The following NAALADL2 variants were observed in gnomAD, a reference collection of about 807,000 sequenced individuals.
NAALADL2 encodes inactive N-acetylated-alpha-linked acidic dipeptidase-like protein 2.
NAALADL2 carries 76 observed loss-of-function variants against 87.2 expected under a neutral mutation model. The ratio of observed to expected loss-of-function variants is 0.87; its 90% CI spans 0.72 to 1.05. The LOEUF (loss-of-function observed/expected upper bound fraction) is 1.05. Among genes scored for constraint, NAALADL2 ranks in the 50% least tolerant of loss-of-function variants. NAALADL2 has a pLI of 0.00. For synonymous variants in NAALADL2, 354 were observed against 331.0 expected, an observed-to-expected ratio of 1.07 and a Z score of -0.75; for missense variants, 1,089 against 945.8, an observed-to-expected ratio of 1.15 and a Z score of -1.99.
intron 12 of NAALADL2, 95 bp from the exon 13 acceptor site, chr3:175,755,125 C>T: frequency 1.0e-6 from 1 of 992,074 alleles, no homozygotes; most frequent in South Asian, 1.6e-5. Flanking sequence ...CTTCAGTGGT[C>T]TGTCTGGCTT....
intron 1 of NAALADL2, among the ~76,000 whole-genome samples, chr3:174,478,814 T>A (rs1717372389): frequency 6.6e-6 from 1 of 152,084 alleles, no homozygotes; most frequent in East Asian, 1.9e-4. Flanking sequence ...TCTGCTCAAG[T>A]GATTCTTGTG....
At chr3:175,545,432 T>C (rs766716190) in intron 9 of NAALADL2, among the ~76,000 whole-genome samples, 13 of 152,118 alleles carry the variant, frequency 8.5e-5, no homozygotes, top group Non-Finnish European at 1.3e-4. Flanking sequence ...AAGGAATGAA[T>C]GATTTCCACA....
At chr3:175,473,426 A>G (rs911863750) in intron 9 of NAALADL2, among the ~76,000 whole-genome samples, 2 of 151,900 alleles carry the variant, frequency 1.3e-5, no homozygotes, top group African/African-American at 2.4e-5. Flanking sequence ...GTGTCTGTGT[A>G]TGTATGTGTT....
chr3:175,080,223 C>T (rs939471614), intron 1 of NAALADL2, among the ~76,000 whole-genome samples: 2 of 152,144 alleles, frequency 1.3e-5, no homozygotes, highest in African/African-American at 4.8e-5. Context: ...CCTCGGCCTC[C>T]CAAATGCTGG....
At chr3:175,093,856 A>G (rs1369761022) in intron 1 of NAALADL2, among the ~76,000 whole-genome samples, 1 of 151,926 alleles carries the variant, frequency 6.6e-6, no homozygotes, top group Non-Finnish European at 1.5e-5. Flanking sequence ...AGGAGTTAAT[A>G]TGTGTATCTG....
chr3:175,272,927 G>A (rs1179852752), intron 4 of NAALADL2, among the ~76,000 whole-genome samples: 1 of 151,796 alleles, frequency 6.6e-6, no homozygotes, highest in Non-Finnish European at 1.5e-5. Context: ...ATATAATTAT[G>A]GCAATATAGC....
chr3:175,242,581 A>G (rs1447226154), intron 3 of NAALADL2, among the ~76,000 whole-genome samples: 1 of 152,210 alleles, frequency 6.6e-6, no homozygotes, highest in Non-Finnish European at 1.5e-5. Context: ...GTTGAGTATC[A>G]TTTATTAAAT....
At chr3:174,549,184 A>G (rs924740042) in intron 1 of NAALADL2, among the ~76,000 whole-genome samples, 1 of 152,246 alleles carries the variant, frequency 6.6e-6, no homozygotes, top group Non-Finnish European at 1.5e-5. Flanking sequence ...TTTACAATGC[A>G]ACTTTAAAGA....
intron 3 of NAALADL2, among the ~76,000 whole-genome samples, chr3:174,798,372 G>A (rs75787688): frequency 0.013 from 2,026 of 152,222 alleles, 46 homozygotes; most frequent in African/African-American, 0.047. Context: ...CAGTCCTACA[G>A]CCTTGTTCTC....
rs1712413420 is a variant in NAALADL2, at chr3:174,553,633, C to A, written c.-115+2996C>A. ...GGAATTAGATTTAATGAGTTATAAT[C>A]ATCTTTAACATTTGATGTATATATC... On this transcript the variant is annotated intron_variant, in intron 2 of 3. Coordinates refer to the NAALADL2 transcript ENST00000434257. Among the ~76,000 whole-genome samples the A allele has an allele frequency of 3.9e-5, 6 of 152,218 alleles. No individual in the cohort carries two copies. The Middle Eastern group carries it at 0.01, about 259-fold the overall frequency.
At chr3:175,742,233 A>G (rs1052956939) in intron 12 of NAALADL2, among the ~76,000 whole-genome samples, 30 of 152,146 alleles carry the variant, frequency 2.0e-4, no homozygotes, top group Admixed American at 7.2e-4. Flanking sequence ...CTTTGTAGCT[A>G]TACTATATAG....
At chr3:174,677,213 C>T (rs1727116466) in intron 2 of NAALADL2, among the ~76,000 whole-genome samples, 1 of 151,776 alleles carries the variant, frequency 6.6e-6, no homozygotes, top group African/African-American at 2.4e-5. Context: ...ATGTTTGTGA[C>T]CTTAAACATA....
chr3:174,757,930 G>A (rs1712350958), intron 3 of NAALADL2, among the ~76,000 whole-genome samples: 1 of 152,214 alleles, frequency 6.6e-6, no homozygotes, highest in Non-Finnish European at 1.5e-5. Flanking sequence ...TGGCTTCTTA[G>A]AAAAGTACAG....
At chr3:175,619,471 G>GAAA (rs60441964) in intron 10 of NAALADL2, among the ~76,000 whole-genome samples, 8 of 143,430 alleles carry the variant, frequency 5.6e-5, no homozygotes, top group African/African-American at 1.0e-4. Context: ...AACATGGTGG[G>GAAA]AAAAAAAAAA....
chr3:175,600,633 G>A (rs2149635972), intron 10 of NAALADL2, among the ~76,000 whole-genome samples: 1 of 134,366 alleles, frequency 7.4e-6, no homozygotes, highest in South Asian at 2.6e-4. Flanking sequence ...CGCCTCCCAG[G>A]TTCACGCCAT....
intron 2 of NAALADL2, among the ~76,000 whole-genome samples, chr3:174,620,502 A>G (rs1239971265): frequency 6.6e-6 from 1 of 151,962 alleles, no homozygotes; most frequent in Non-Finnish European, 1.5e-5. Context: ...AATTGTTTAG[A>G]CCTACTCATT....
chr3:175,058,216 A>G (rs1241497119), intron 1 of NAALADL2, among the ~76,000 whole-genome samples: 1 of 152,354 alleles, frequency 6.6e-6, no homozygotes, highest in East Asian at 1.9e-4. Flanking sequence ...TTTAGGCACA[A>G]TGTGGAAACC....
At chr3:174,464,354 A>T (rs1028884251) in intron 1 of NAALADL2, among the ~76,000 whole-genome samples, 1 of 149,924 alleles carries the variant, frequency 6.7e-6, no homozygotes, top group Admixed American at 6.7e-5. Context: ...CTCTGAAATG[A>T]TCATTTTTTA....
chr3:175,474,969 T>C (rs145567703), intron 9 of NAALADL2, among the ~76,000 whole-genome samples: 1 of 151,844 alleles, frequency 6.6e-6, no homozygotes, highest in Non-Finnish European at 1.5e-5. Flanking sequence ...AGTATTCATA[T>C]TGAAGGAGCA....
Sources: allele counts gnomAD v4.1 joint callset (sites outside exome capture counted in the v4.1 genomes callset), GRCh38; gene constraint gnomAD v4.1.1; transcripts MANE v1.5; gene names NCBI Gene and HGNC (gene_info 2026-07-23, HGNC 2026-07-21).